Variants in TIMP3 observed in about 807,000 individuals in gnomAD.
TIMP3 encodes the protein metalloproteinase inhibitor 3.
TIMP3 carries 11 observed loss-of-function variants against 30.0 expected under a neutral mutation model. That is an observed-to-expected ratio of 0.37 (90% confidence interval 0.23 to 0.61). The LOEUF is 0.61. Among genes scored for constraint, TIMP3 ranks in the 20% least tolerant of loss-of-function variants. The pLI is 0.70. For synonymous variants in TIMP3, 112 were observed against 111.3 expected (o/e 1.01, Z -0.04); for missense variants, 181 against 276.8 (o/e 0.65, Z 2.45).
chr22:32,802,237 G>T (rs1432243188), intron 1 of TIMP3, 115 bp downstream of exon 1: 1 of 1,424,044 alleles, frequency 7.0e-7, no homozygotes, highest in Non-Finnish European at 9.3e-7. Flanking sequence ...GGGGCAGACG[G>T]GGTTGGGGCG....
At chr22:32,847,806 C>T (rs2048111513) in intron 1 of TIMP3, among the ~76,000 whole-genome samples, 3 of 152,174 alleles carry the variant, frequency 2.0e-5, no homozygotes, top group Admixed American at 1.3e-4. Flanking sequence ...TTGATAGGAT[C>T]TCAGGGCTGA....
At chr22:32,814,320 A>AAAAAGAAAGAAAGAAAGAAAGG (rs2047018310) in intron 1 of TIMP3, among the ~76,000 whole-genome samples, 2 of 144,704 alleles carry the variant, frequency 1.4e-5, no homozygotes, top group African/African-American at 5.4e-5. Context: ...AGAGAGACAG[A>AAAAAGAAAGAAAGAAAGAAAGG]AAGAAAGAAA....
At chr22:32,845,917 A>G (rs1051698568) in intron 1 of TIMP3, among the ~76,000 whole-genome samples, 3 of 152,248 alleles carry the variant, frequency 2.0e-5, no homozygotes, top group African/African-American at 7.2e-5. Context: ...AGTACAAAAT[A>G]GCACACATTT....
chr22:32,814,417 C>G (rs1230561945), intron 1 of TIMP3, among the ~76,000 whole-genome samples: 1 of 149,940 alleles, frequency 6.7e-6, no homozygotes, highest in Non-Finnish European at 1.5e-5. Context: ...TGAGAAAAGG[C>G]CATTCCTAAC....
chr22:32,848,144 A>G (rs1187100487), intron 1 of TIMP3, among the ~76,000 whole-genome samples: 2 of 152,270 alleles, frequency 1.3e-5, no homozygotes, highest in South Asian at 2.1e-4. Flanking sequence ...AAAGAGAAGC[A>G]CAACCTTGTA....
chr22:32,854,096 T>C (rs544638779), intron 2 of TIMP3, among the ~76,000 whole-genome samples: 1 of 152,322 alleles, frequency 6.6e-6, no homozygotes, highest in South Asian at 2.1e-4. Flanking sequence ...CAATTCTAGA[T>C]CTCTATGATT....
intron 1 of TIMP3, among the ~76,000 whole-genome samples, chr22:32,817,958 C>T (rs1054313172): frequency 3.3e-5 from 5 of 152,130 alleles, no homozygotes; most frequent in East Asian, 1.9e-4. Flanking sequence ...ATCATTTTAC[C>T]GATAGGAGCA....
At chr22:32,858,250 T>C in intron 4 of TIMP3, 112 bp downstream of exon 4, 1 of 1,495,554 alleles carries the variant, frequency 6.7e-7, no homozygotes, top group Non-Finnish European at 9.1e-7. Context: ...GGTATGCATG[T>C]GTTAGGCCAG....
chr22:32,804,159 A>G (rs1439858615), intron 1 of TIMP3, among the ~76,000 whole-genome samples: 2 of 152,234 alleles, frequency 1.3e-5, no homozygotes, highest in African/African-American at 4.8e-5. Flanking sequence ...AGAAAAAAAG[A>G]AACAAAAAAT....
chr22:32,846,881 C>T (rs548498935), intron 1 of TIMP3, among the ~76,000 whole-genome samples: 2 of 152,316 alleles, frequency 1.3e-5, no homozygotes, highest in South Asian at 4.1e-4. Flanking sequence ...TTTCACTGAA[C>T]TATCCTCAGA....
At chr22:32,814,339 G>GAAAGAAAGGAAGGAAGAAAGGAAGAA (rs369652077) in intron 1 of TIMP3, among the ~76,000 whole-genome samples, 2 of 10,358 alleles carry the variant, frequency 1.9e-4, no homozygotes, top group African/African-American at 4.0e-4. Flanking sequence ...AAGAAAGAAA[G>GAAAGAAAGGAAGGAAGAAAGGAAGAA]AGAAAGAAAG....
At chr22:32,803,287 A>G (rs1051787750) in intron 1 of TIMP3, among the ~76,000 whole-genome samples, 14 of 152,042 alleles carry the variant, frequency 9.2e-5, no homozygotes, top group African/African-American at 3.4e-4. Context: ...GAAATTTTCC[A>G]CTGAGTCTTG....
Position 32,859,918 on chromosome 22 carries a change from T to C in TIMP3, c.*541T>C, listed in dbSNP as rs886057437. On this transcript the variant is annotated 3_prime_UTR_variant, in exon 5 of 5. Coordinates refer to ENST00000266085, the MANE Select transcript of TIMP3 (RefSeq NM_000362.5). ...TTATACACCAGGAGCTGCCACTGCA[T>C]GTCCCAACCAGACTGTGTCTGTCTG... 31 of 164,612 alleles carry C rather than the reference T, an allele frequency of 1.9e-4. No homozygotes were observed. The highest frequency in any genetic ancestry group is 1.8e-4 in the East Asian group (1 of 5,524). 10.2% of individuals were successfully genotyped at this position (164,612 alleles called of 1,614,324 possible). A position where few individuals can be genotyped will look rare whatever the true frequency, so the allele number is the denominator to read the frequency against.
chr22:32,840,648 C>T (rs2047871107), intron 1 of TIMP3, among the ~76,000 whole-genome samples: 1 of 152,046 alleles, frequency 6.6e-6, no homozygotes, highest in Non-Finnish European at 1.5e-5. Context: ...GCCCCCTCCG[C>T]CCCCCACCCA....
chr22:32,852,252 G>C (rs2048239028), intron 2 of TIMP3, among the ~76,000 whole-genome samples: 1 of 152,198 alleles, frequency 6.6e-6, no homozygotes, highest in South Asian at 2.1e-4. Flanking sequence ...TTGCCTATAA[G>C]GAGATAATAC....
intron 1 of TIMP3, among the ~76,000 whole-genome samples, chr22:32,819,314 C>T (rs1195633957): frequency 1.3e-5 from 2 of 152,226 alleles, no homozygotes; most frequent in African/African-American, 4.8e-5. Flanking sequence ...CATCTCAGGA[C>T]ACAAAGAGGA....
intron 1 of TIMP3, among the ~76,000 whole-genome samples, chr22:32,808,119 G>A (rs1371499587): frequency 1.3e-5 from 2 of 152,130 alleles, no homozygotes; most frequent in Admixed American, 6.5e-5. Context: ...GGAGTAATTC[G>A]GTTGAAGATA....
At chr22:32,838,765 G>A (rs1163348686) in intron 1 of TIMP3, among the ~76,000 whole-genome samples, 3 of 151,788 alleles carry the variant, frequency 2.0e-5, no homozygotes, top group Non-Finnish European at 2.9e-5. Flanking sequence ...CCCCGTCTTC[G>A]TTATTGTATT....
intron 1 of TIMP3, among the ~76,000 whole-genome samples, 178 bp from the exon 2 acceptor site, chr22:32,849,274 A>C (rs2048152458): frequency 6.6e-6 from 1 of 151,684 alleles, no homozygotes. Context: ...TTTTCCTCCA[A>C]CCTCCCTCTC....
Sources: allele counts gnomAD v4.1 joint callset (sites outside exome capture counted in the v4.1 genomes callset), GRCh38; gene constraint gnomAD v4.1.1; transcripts MANE v1.5; gene names NCBI Gene and HGNC (gene_info 2026-07-23, HGNC 2026-07-21).